Variants in NEURL1 observed in about 807,000 individuals in gnomAD.
NEURL1 encodes the protein E3 ubiquitin-protein ligase NEURL1.
A neutral mutation model predicts 41.2 loss-of-function variants in NEURL1; 26 were observed. The observed-to-expected ratio is 0.63, with a 90% CI of 0.46 to 0.87. The LOEUF (loss-of-function observed/expected upper bound fraction) is 0.87, where lower values mean the gene tolerates loss of function less well. Among genes scored for constraint, NEURL1 ranks in the 40% least tolerant of loss-of-function variants. The pLI is 0.00. For missense variants in NEURL1, 761 were observed against 871.1 expected (o/e 0.87, Z 1.59); for synonymous variants, 400 against 402.3 (o/e 0.99, Z 0.07).
chr10:103,521,313 G>A (rs1458757192), intron 1 of NEURL1, among the ~76,000 whole-genome samples: 1 of 152,156 alleles, frequency 6.6e-6, no homozygotes, highest in African/African-American at 2.4e-5. Context: ...GGGAAGAAAT[G>A]ACCGCAGTGG....
chr10:103,495,757 A>T (rs1037788613), intron 1 of NEURL1, among the ~76,000 whole-genome samples: 1 of 152,194 alleles, frequency 6.6e-6, no homozygotes, highest in Non-Finnish European at 1.5e-5. Flanking sequence ...AAATCAGTGG[A>T]TTTGTTGTGT....
chr10:103,535,723 G>A (rs931090476), intron 1 of NEURL1, among the ~76,000 whole-genome samples: 1 of 152,158 alleles, frequency 6.6e-6, no homozygotes, highest in Non-Finnish European at 1.5e-5. Flanking sequence ...GGGGCAGAAG[G>A]AGGGGTAGAT....
At chr10:103,512,387 A>T (rs1263346552) in intron 1 of NEURL1, among the ~76,000 whole-genome samples, 1 of 152,232 alleles carries the variant, frequency 6.6e-6, no homozygotes, top group Non-Finnish European at 1.5e-5. Context: ...GAGGCTGTGC[A>T]GCCAACCCAC....
chr10:103,555,529 T>G, intron 1 of NEURL1: 3 of 878,496 alleles, frequency 3.4e-6, no homozygotes, highest in Non-Finnish European at 4.6e-6. Context: ...TCTCACTCCA[T>G]GGAGGGGTCT....
chr10:103,513,152 T>C (rs2034113502), intron 1 of NEURL1, among the ~76,000 whole-genome samples: 1 of 151,898 alleles, frequency 6.6e-6, no homozygotes, highest in Non-Finnish European at 1.5e-5. Context: ...CCAGCAGCCC[T>C]CCCTGGCAGC....
chr10:103,546,400 G>A (rs2034925909), intron 1 of NEURL1, among the ~76,000 whole-genome samples: 1 of 152,230 alleles, frequency 6.6e-6, no homozygotes, highest in Non-Finnish European at 1.5e-5. Flanking sequence ...AAAGGGATGA[G>A]CATCTGTCCT....
At chr10:103,498,281 G>A (rs2033734608) in intron 1 of NEURL1, among the ~76,000 whole-genome samples, 1 of 152,204 alleles carries the variant, frequency 6.6e-6, no homozygotes, top group South Asian at 2.1e-4. Context: ...AGGCTGGAGT[G>A]CAGTGGCGCG....
At chr10:103,564,250 C>T (rs374441992) in intron 1 of NEURL1, among the ~76,000 whole-genome samples, 1 of 152,166 alleles carries the variant, frequency 6.6e-6, no homozygotes, top group East Asian at 1.9e-4. Flanking sequence ...ATGGGGCTGT[C>T]GGGGGAGTTT....
intron 1 of NEURL1, among the ~76,000 whole-genome samples, chr10:103,518,328 C>T (rs550318306): frequency 6.6e-6 from 1 of 152,096 alleles, no homozygotes; most frequent in Non-Finnish European, 1.5e-5. Context: ...TTTCCTTCCC[C>T]CTCTTCCTCT....
intron 3 of NEURL1, among the ~76,000 whole-genome samples, chr10:103,574,253 C>T (rs143067552): frequency 3.3e-5 from 5 of 152,320 alleles, no homozygotes; most frequent in African/African-American, 4.8e-5. Context: ...ACGATGCAAG[C>T]GCTCAGGGCA....
At chr10:103,538,651 C>CT (rs200837090) in intron 1 of NEURL1, among the ~76,000 whole-genome samples, 3,727 of 142,784 alleles carry the variant, frequency 0.026, 137 homozygotes, top group African/African-American at 0.086. Flanking sequence ...TTCTTTCTTC[C>CT]TTTTTTTTTT....
At chr10:103,500,785 T>TAC in intron 1 of NEURL1, among the ~76,000 whole-genome samples, 1 of 152,352 alleles carries the variant, frequency 6.6e-6, no homozygotes, top group African/African-American at 2.4e-5. Flanking sequence ...GAAGCATGTA[T>TAC]ACCATGCAGG....
At chr10:103,561,439 T>G (rs2035290532) in intron 1 of NEURL1, among the ~76,000 whole-genome samples, 1 of 152,130 alleles carries the variant, frequency 6.6e-6, no homozygotes, top group Admixed American at 6.6e-5. Context: ...TTTTTTTGTA[T>G]TTTTAGTAGA....
rs368857285 is a variant in NEURL1 at position 103,508,195 on chromosome 10, G to T, written c.85+13723G>T. Among the ~76,000 whole-genome samples the T allele has an allele frequency of 9.8e-5, 15 of 152,292 alleles. No individual in the cohort carries two copies. The South Asian group carries it at 2.5e-3, about 25-fold the overall frequency. On this transcript the variant is annotated intron_variant, in intron 1 of 5. Transcript: ENST00000369780. The surrounding 1 kb of genome is among the most constrained non-coding windows in gnomAD (Gnocchi z 4.3). Reference sequence around the variant, plus strand: ...GCTTGGGGACTTCTCACAGGGTCAGGTCCCTCGAATTTGAAAAGCATGTAA... The same window carrying T: ...GCTTGGGGACTTCTCACAGGGTCAGTTCCCTCGAATTTGAAAAGCATGTAA...
chr10:103,494,696 A>T lies in NEURL1; in HGVS notation c.85+224A>T, dbSNP rs1036697206. The T allele has an allele frequency of 1.9e-5, 10 of 538,878 alleles. No homozygotes were observed. The African/African-American group carries it at 2.0e-4, about 11-fold the overall frequency. 33.4% of individuals were successfully genotyped at this position (538,878 alleles called of 1,614,324 possible). The stretch of plus-strand genomic sequence containing the variant: ...GCAGTTCTGTCTGCTGGCACTGGGA[A>T]CGTCACTGGAGTCCCCTCAGGCCAT... On this transcript the variant is annotated intron_variant, in intron 1 of 5. Coordinates refer to ENST00000369780, the MANE Select transcript of NEURL1 (RefSeq NM_004210.5).
chr10:103,508,370 C>T lies in NEURL1; in HGVS notation c.85+13898C>T, dbSNP rs1445857101. Reference sequence around the variant, plus strand: ...TCTTCATGGGACCTCTTTGAATTAGCATTAGGGTGACATCCATTTGCGACT... The same window carrying T: ...TCTTCATGGGACCTCTTTGAATTAGTATTAGGGTGACATCCATTTGCGACT... On this transcript the variant is annotated intron_variant, in intron 1 of 5. Transcript: ENST00000369780. The surrounding 1 kb of genome is among the most constrained non-coding windows in gnomAD (Gnocchi z 4.3). 6.6e-6 allele frequency among the ~76,000 whole-genome samples: 1 copy of T among 152,230 alleles called. No individual in the cohort carries two copies. The highest frequency in any genetic ancestry group is 1.5e-5 in the Non-Finnish European group (1 of 68,038).
intron 1 of NEURL1, among the ~76,000 whole-genome samples, chr10:103,495,473 ACACTG>A (rs1564800167): frequency 5.8e-4 from 89 of 152,318 alleles, no homozygotes; most frequent in African/African-American, 2.1e-3. Flanking sequence ...GTGAGCATGG[ACACTG>A]CTTGGGGTAG....
At chr10:103,514,044 T>G (rs970760192) in intron 1 of NEURL1, among the ~76,000 whole-genome samples, 1 of 152,088 alleles carries the variant, frequency 6.6e-6, no homozygotes, top group African/African-American at 2.4e-5. Flanking sequence ...TTTCTCTTTC[T>G]TTTTGCACCT....
chr10:103,562,254 G>A (rs573207827), intron 1 of NEURL1, among the ~76,000 whole-genome samples: 3 of 152,212 alleles, frequency 2.0e-5, no homozygotes, highest in East Asian at 3.9e-4. Flanking sequence ...GTGGTGGCTC[G>A]CGCCTGTAAT....
Sources: allele counts gnomAD v4.1 joint callset (sites outside exome capture counted in the v4.1 genomes callset), GRCh38; gene constraint gnomAD v4.1.1; non-coding constraint Gnocchi (gnomAD v3.1); transcripts MANE v1.5; gene names NCBI Gene and HGNC (gene_info 2026-07-23, HGNC 2026-07-21).